SP140: variants seen among roughly 807,000 people sequenced by gnomAD.
SP140 encodes the protein nuclear body protein SP140.
In SP140, 81 loss-of-function variants were observed where a neutral mutation model predicts 125.0. The observed-to-expected ratio is 0.65, with a 90% CI of 0.54 to 0.78. SP140 has a LOEUF of 0.78. SP140 is among the 30% of genes least tolerant of loss of function. The probability of loss-of-function intolerance (pLI) is 0.00; values close to 1 mark genes in which losing one functional copy is unlikely to be tolerated. For missense variants in SP140, 858 were observed against 1,037.0 expected, an observed-to-expected ratio of 0.83 and a Z score of 2.37; for synonymous variants, 312 against 354.0, an observed-to-expected ratio of 0.88 and a Z score of 1.33.
chr2:230,272,841 G>T (rs532477950), intron 15 of SP140, among the ~76,000 whole-genome samples: 34 of 152,106 alleles, frequency 2.2e-4, no homozygotes, highest in South Asian at 6.2e-4. Context: ...CAAGCAATGG[G>T]AAAAGGATTC....
Position 230,245,863 on chromosome 2 carries a change from T to C in SP140, c.665T>C (p.Val222Ala), listed in dbSNP as rs762526302. Residue 222 changes from valine to alanine, a missense_variant and splice_region_variant, in exon 7 of 27, where the codon GTG (valine) becomes GCG (alanine). Physicochemically the swap from Val to Ala is moderately conservative, Grantham distance 64 (BLOSUM62 0). Transcript: ENST00000392045. The part of the protein sequence containing the change: ...DAPSLLPGGG[V>A]SCKLAIQIDE... ...GTCATGTTCCTCTTTCACTCTGCAG[T>C]GTCCTGTAAACTTGCTATACAAATA... 6.3e-7 allele frequency: 1 copy of C among 1,596,100 alleles called. No homozygotes were observed. The highest frequency in any genetic ancestry group is 1.3e-5 in the African/African-American group (1 of 74,640).
Position 230,310,029 on chromosome 2 carries a change from G to A in SP140, c.2164G>A (p.Glu722Lys), listed in dbSNP as rs1261082888. The change falls in exon 23 of 27, where the codon GAA (glutamate) becomes AAA (lysine). Residue 722 changes from glutamate (E) to lysine (K), a missense_variant. This residue lies in a region of SP140 where 791 missense variants were observed against 869.5 expected (regional missense o/e 0.91). Coordinates refer to ENST00000392045, the MANE Select transcript of SP140 (RefSeq NM_007237.5). Reference sequence around the variant, plus strand: ...TGAGGACTGTCACATCCCGCCTGTGGAAGCTGAGAGGTAAGTGACATGCAG... The same window carrying A: ...TGAGGACTGTCACATCCCGCCTGTGAAAGCTGAGAGGTAAGTGACATGCAG... ...FHEDCHIPPV[E>K]AERTPWNCIF... is the part of the protein sequence containing the mutation. 6.2e-7 allele frequency: 1 copy of A among 1,614,172 alleles called. No homozygotes were observed. The highest frequency in any genetic ancestry group is 8.5e-7 in the Non-Finnish European group (1 of 1,180,012).
At chr2:230,282,927 T>G (rs2055810475) in intron 15 of SP140, among the ~76,000 whole-genome samples, 1 of 152,192 alleles carries the variant, frequency 6.6e-6, no homozygotes, top group South Asian at 2.1e-4. Flanking sequence ...CTTGATTTGT[T>G]TGTGTGTGGC....
chr2:230,234,032 G>A (rs2047629160), intron 1 of SP140, among the ~76,000 whole-genome samples: 1 of 152,238 alleles, frequency 6.6e-6, no homozygotes, highest in Non-Finnish European at 1.5e-5. Context: ...CATCAGTATT[G>A]TAACTGGTTT....
chr2:230,302,260 G>A (rs1018987373), intron 22 of SP140, among the ~76,000 whole-genome samples: 6 of 152,028 alleles, frequency 3.9e-5, no homozygotes, highest in African/African-American at 1.2e-4. Flanking sequence ...TGGGCGTGGT[G>A]GCAGGCACCT....
intron 12 of SP140, among the ~76,000 whole-genome samples, chr2:230,257,649 C>G (rs771243305): frequency 4.6e-5 from 7 of 152,164 alleles, no homozygotes; most frequent in Non-Finnish European, 8.8e-5. Flanking sequence ...CACCTGTAGT[C>G]CCAGCTACTC....
At chr2:230,270,906 C>T (rs2053833481) in intron 15 of SP140, 1 of 504,448 alleles carries the variant, frequency 2.0e-6, no homozygotes, top group Admixed American at 2.5e-5. Flanking sequence ...ACAATCTAAT[C>T]TTGTAGGCCT....
At chr2:230,261,848 A>C (rs115780590) in intron 12 of SP140, among the ~76,000 whole-genome samples, 1,801 of 152,252 alleles carry the variant, frequency 0.012, 21 homozygotes, top group Middle Eastern at 0.048. Context: ...TGTTGGATTC[A>C]GTTGGCAAGT....
Position 230,253,049 on chromosome 2 carries a change from A to G in SP140, c.1058-267A>G, listed in dbSNP as rs118118227. ...AATAGAAAAGAGATACAATATCACT[A>G]AAAAAGAAAAAAGACATAGAAACAG... On this transcript the variant is annotated intron_variant, in intron 10 of 26. Transcript: ENST00000392045. Among the ~76,000 whole-genome samples, 44 of 152,334 alleles carry G rather than the reference A, an allele frequency of 2.9e-4. No homozygotes were observed. The East Asian group carries it at 6.0e-3, about 21-fold the overall frequency.
At chr2:230,209,303 C>CAG (rs2148903525) in intron 1 of SP140, among the ~76,000 whole-genome samples, 1 of 151,716 alleles carries the variant, frequency 6.6e-6, no homozygotes, top group South Asian at 2.1e-4. Context: ...TTTGAGGGGC[C>CAG]AGAGTATTGG....
intron 19 of SP140, 76 bp downstream of exon 19, chr2:230,290,640 T>C (rs777530214): frequency 5.8e-6 from 7 of 1,211,910 alleles, no homozygotes; most frequent in Admixed American, 4.1e-5. Flanking sequence ...ATCATGTGAA[T>C]TACACATCAT....
chr2:230,206,586 G>T (rs1574708689), intron 1 of SP140, among the ~76,000 whole-genome samples: 3 of 74,034 alleles, frequency 4.1e-5, no homozygotes, highest in Non-Finnish European at 8.1e-5. Flanking sequence ...ATATTATCTG[G>T]TCCAGATTTT....
chr2:230,280,583 G>T (rs1201827711), intron 15 of SP140, among the ~76,000 whole-genome samples: 2 of 151,828 alleles, frequency 1.3e-5, no homozygotes, highest in Non-Finnish European at 2.9e-5. Context: ...TAATGGATTG[G>T]TATAAAACTA....
rs55829350 is a variant in SP140 at position 230,255,540 on chromosome 2, C to CG, written c.1240+18dup. On this transcript the variant is annotated intron_variant, in intron 12 of 26. Coordinates refer to ENST00000392045, the MANE Select transcript of SP140 (RefSeq NM_007237.5). ...TAGCAAGACGTGGGTCAGGTAAGGA[C>CG]GGGGGGGGGGATTTCTGGCCCTGGG... 673 of 1,561,086 alleles carry CG rather than the reference C, an allele frequency of 4.3e-4. No homozygotes were observed. The highest frequency in any genetic ancestry group is 6.8e-4 in the Middle Eastern group (3 of 4,414).
At chr2:230,295,075 C>G (rs1044292370) in intron 21 of SP140, among the ~76,000 whole-genome samples, 1 of 152,216 alleles carries the variant, frequency 6.6e-6, no homozygotes, top group Non-Finnish European at 1.5e-5. Flanking sequence ...TGATTTTTCC[C>G]TCTCTTGAAG....
At chr2:230,202,843 T>G, upstream of SP140, 1 of 909,718 alleles carries the variant, frequency 1.1e-6, no homozygotes, top group Non-Finnish European at 1.8e-6. Context: ...TTCAGATCTC[T>G]GTACCCCTGT....
chr2:230,266,198 A>G (rs551551124), intron 12 of SP140, among the ~76,000 whole-genome samples: 60 of 152,320 alleles, frequency 3.9e-4, no homozygotes, highest in African/African-American at 9.9e-4. Flanking sequence ...ATTTCTTTAT[A>G]TAATATTATT....
chr2:230,225,708 C>T (rs923043855), upstream of SP140: 45 of 737,098 alleles, frequency 6.1e-5, no homozygotes, highest in African/African-American at 6.2e-4. Context: ...GGTGCACCCA[C>T]GTCAGCTAGT....
Position 230,204,511 on chromosome 2 carries a change from A to G in SP140, c.-323+1232A>G, listed in dbSNP as rs2043541784. Among the ~76,000 whole-genome samples the G allele has an allele frequency of 2.6e-5, 4 of 152,142 alleles. No individual in the cohort carries two copies. The South Asian group carries it at 8.3e-4, about 31-fold the overall frequency. ...ACACCACGTGGTGCCCATAATGTCT[A>G]TGACCCCTTTTCATAACACAATAAT... On this transcript the variant is annotated intron_variant, in intron 1 of 4. Coordinates refer to the SP140 transcript ENST00000456542.
Sources: gnomAD v4.1 joint callset for allele counts (sites outside exome capture counted in the v4.1 genomes callset) on GRCh38, gnomAD v4.1.1 for gene constraint, gnomAD v4.1.1 regional missense constraint, MANE v1.5 for transcripts, NCBI Gene and HGNC (gene_info 2026-07-23, HGNC 2026-07-21) for gene names.